ARHGEF7: variants seen among roughly 807,000 people sequenced by gnomAD.
ARHGEF7 encodes the protein PAK-interacting exchange factor beta.
A neutral mutation model predicts 109.8 loss-of-function variants in ARHGEF7; 33 were observed. The ratio of observed to expected loss-of-function variants is 0.30; its 90% CI spans 0.23 to 0.40. The LOEUF is 0.40. Among genes scored for constraint, ARHGEF7 ranks in the 10% least tolerant of loss-of-function variants. The pLI, the probability that ARHGEF7 is intolerant of heterozygous loss-of-function variation, is 1.00. For missense variants in ARHGEF7, 938 were observed against 1,098.5 expected (o/e 0.85, Z 2.07); for synonymous variants, 458 against 424.6 (o/e 1.08, Z -0.97).
intron 6 of ARHGEF7, among the ~76,000 whole-genome samples, chr13:111,240,227 G>T (rs1426510090): frequency 6.6e-6 from 1 of 152,166 alleles, no homozygotes; most frequent in African/African-American, 2.4e-5. Flanking sequence ...TGTGCTGGAG[G>T]CTTTGCAGGA....
intron 15 of ARHGEF7, among the ~76,000 whole-genome samples, chr13:111,282,290 C>T (rs547187611): frequency 1.3e-5 from 2 of 152,172 alleles, no homozygotes; most frequent in African/African-American, 4.8e-5. Context: ...GCTTGTTCTC[C>T]CATTAAATGC....
At chr13:111,141,476 T>G (rs57033578) in intron 1 of ARHGEF7, among the ~76,000 whole-genome samples, 7,554 of 152,240 alleles carry the variant, frequency 0.05, 655 homozygotes, top group African/African-American at 0.17. Flanking sequence ...ATGCCCTCCC[T>G]GGGTGTGCCC....
chr13:111,293,426 C>A (rs564691372), intron 19 of ARHGEF7: 1 of 950,454 alleles, frequency 1.1e-6, no homozygotes. Flanking sequence ...TGCCATGTGG[C>A]TCACTTATTT....
Position 111,247,105 on chromosome 13 carries a change from C to T in ARHGEF7, c.950+2811C>T, listed in dbSNP as rs1403165009. Among the ~76,000 whole-genome samples the T allele has an allele frequency of 3.3e-5, 5 of 152,072 alleles. No homozygotes were observed. In the South Asian group the frequency reaches 6.2e-4, roughly 19 times the overall value. ...CCACGGGGAAATGGAATGTACTAGACGAAGTTTTCTTTCTCAGCTATTTCT... is the reference window on the plus strand; with the variant it reads ...CCACGGGGAAATGGAATGTACTAGATGAAGTTTTCTTTCTCAGCTATTTCT... On this transcript the variant is annotated intron_variant, in intron 8 of 21. Coordinates refer to ENST00000646102, the MANE Select transcript of ARHGEF7 (RefSeq NM_001354046.2).
intron 1 of ARHGEF7, among the ~76,000 whole-genome samples, chr13:111,138,660 A>G (rs1448479624): frequency 6.6e-6 from 1 of 152,186 alleles, no homozygotes; most frequent in African/African-American, 2.4e-5. Context: ...CACCGCTCGC[A>G]CCGTCCTTTC....
intron 2 of ARHGEF7, among the ~76,000 whole-genome samples, chr13:111,161,062 T>A (rs1432566962): frequency 6.6e-6 from 1 of 152,184 alleles, no homozygotes; most frequent in South Asian, 2.1e-4. Context: ...TTGGAGTGTT[T>A]TGGATTTTCA....
chr13:111,280,189 A>C, intron 13 of ARHGEF7, 83 bp from the exon 14 acceptor site: 1 of 1,387,852 alleles, frequency 7.2e-7, no homozygotes, highest in Non-Finnish European at 9.9e-7. Flanking sequence ...TTCTAAAATC[A>C]TTTAATATTG....
chr13:111,187,695 TC>T (rs2079408422), intron 2 of ARHGEF7, among the ~76,000 whole-genome samples: 1 of 152,236 alleles, frequency 6.6e-6, no homozygotes, highest in Non-Finnish European at 1.5e-5. Flanking sequence ...TTTCTACACT[TC>T]CTATGAATTT....
chr13:111,185,505 G>A (rs1267583276), intron 2 of ARHGEF7, among the ~76,000 whole-genome samples: 1 of 152,214 alleles, frequency 6.6e-6, no homozygotes, highest in Non-Finnish European at 1.5e-5. Context: ...GCCATCTTGA[G>A]AAACTTCTCA....
At chr13:111,165,431 C>G (rs561661607) in intron 2 of ARHGEF7, among the ~76,000 whole-genome samples, 24 of 152,346 alleles carry the variant, frequency 1.6e-4, no homozygotes, top group African/African-American at 5.8e-4. Context: ...TCAGCAAGTA[C>G]TGGCAGCACT....
chr13:111,157,523 C>T (rs910772433), intron 2 of ARHGEF7, among the ~76,000 whole-genome samples: 9 of 151,616 alleles, frequency 5.9e-5, no homozygotes, highest in South Asian at 2.1e-4. Context: ...CTACTAATCA[C>T]GCCACTGCCC....
intron 1 of ARHGEF7, among the ~76,000 whole-genome samples, chr13:111,138,868 C>A (rs2075213485): frequency 6.6e-6 from 1 of 152,162 alleles, no homozygotes; most frequent in Admixed American, 6.5e-5. Context: ...CCGGCTCCAG[C>A]TGGCACAGAA....
chr13:111,262,335 A>G (rs2091181289), intron 8 of ARHGEF7, among the ~76,000 whole-genome samples: 1 of 152,326 alleles, frequency 6.6e-6, no homozygotes, highest in East Asian at 1.9e-4. Flanking sequence ...GAGAACTTAG[A>G]AGCTTTGGTA....
chr13:111,192,439 T>C (rs1177698654), intron 2 of ARHGEF7, among the ~76,000 whole-genome samples: 3 of 152,204 alleles, frequency 2.0e-5, no homozygotes, highest in African/African-American at 7.2e-5. Context: ...GCCAAAGAAG[T>C]TATATCTTTG....
chr13:111,121,576 T>C (rs2067203980), intron 1 of ARHGEF7, among the ~76,000 whole-genome samples: 2 of 152,122 alleles, frequency 1.3e-5, no homozygotes, highest in African/African-American at 2.4e-5. Context: ...ATTGGAGTCT[T>C]GTGTAGGCTT....
chr13:111,191,567 G>A (rs1013292347), intron 2 of ARHGEF7, among the ~76,000 whole-genome samples: 1 of 152,160 alleles, frequency 6.6e-6, no homozygotes, highest in African/African-American at 2.4e-5. Flanking sequence ...CCAGGTTTTT[G>A]CAGGAATGGG....
intron 5 of ARHGEF7, among the ~76,000 whole-genome samples, chr13:111,223,188 A>T (rs529770348): frequency 6.6e-6 from 1 of 152,118 alleles, no homozygotes; most frequent in South Asian, 2.1e-4. Context: ...GCTATATTGC[A>T]TTTTTTCCAG....
rs543919538 is a variant in ARHGEF7, at chr13:111,242,812, T to C, written c.760-1060T>C. On this transcript the variant is annotated intron_variant, in intron 6 of 21. Transcript: ENST00000646102. ...AGCTTCTCTAAGAGGAAAAGTTTTG[T>C]GTGCAGAGCCCCTTGCTCGGTGCCA... is the stretch of plus-strand genomic sequence containing the variant. Among the ~76,000 whole-genome samples, 16 of 152,320 alleles carry C rather than the reference T, an allele frequency of 1.1e-4. No individual in the cohort carries two copies. In the East Asian group the frequency reaches 2.1e-3, roughly 20 times the overall value.
At chr13:111,262,281 G>C (rs924216399) in intron 8 of ARHGEF7, among the ~76,000 whole-genome samples, 1 of 152,154 alleles carries the variant, frequency 6.6e-6, no homozygotes, top group South Asian at 2.1e-4. Context: ...CAGAAATTCA[G>C]ACTCACTAGA....
Sources: allele counts gnomAD v4.1 joint callset (sites outside exome capture counted in the v4.1 genomes callset), GRCh38; gene constraint gnomAD v4.1.1; transcripts MANE v1.5; gene names NCBI Gene and HGNC (gene_info 2026-07-23, HGNC 2026-07-21).